Variants in HSD17B4 observed in about 807,000 individuals in gnomAD.
The protein encoded by HSD17B4 is hydroxysteroid 17-beta dehydrogenase 4, also known as peroxisomal multifunctional enzyme type 2.
Under a neutral mutation model 101.0 loss-of-function variants are expected in HSD17B4, and 70 were observed. The ratio of observed to expected loss-of-function variants is 0.69; its 90% CI spans 0.57 to 0.85. The LOEUF (loss-of-function observed/expected upper bound fraction) is 0.85. Ranked by LOEUF, HSD17B4 falls within the 40% of genes least tolerant of loss-of-function variation. The pLI, the probability that HSD17B4 is intolerant of heterozygous loss-of-function variation, is 0.00. For missense variants in HSD17B4, 984 were observed against 892.4 expected (o/e 1.10, Z -1.31); for synonymous variants, 347 against 297.1 (o/e 1.17, Z -1.73).
intron 8 of HSD17B4, among the ~76,000 whole-genome samples, chr5:119,480,948 CAG>C (rs1252556046): frequency 6.6e-6 from 1 of 152,156 alleles, no homozygotes; most frequent in African/African-American, 2.4e-5. Flanking sequence ...CACCAGCGGT[CAG>C]AGTTTAAGGT....
chr5:119,541,606 T>C (rs1754997691), intron 23 of HSD17B4, among the ~76,000 whole-genome samples: 1 of 152,160 alleles, frequency 6.6e-6, no homozygotes, highest in Non-Finnish European at 1.5e-5. Context: ...GGTCTCAAAT[T>C]GTAAGAACAT....
intron 6 of HSD17B4, chr5:119,476,499 G>A: frequency 2.2e-6 from 2 of 899,432 alleles, no homozygotes; most frequent in Non-Finnish European, 2.7e-6. Context: ...TGGCAACTGA[G>A]GTGAAACAAT....
At chr5:119,527,754 A>G (rs1215286724) in intron 20 of HSD17B4, among the ~76,000 whole-genome samples, 2 of 152,166 alleles carry the variant, frequency 1.3e-5, no homozygotes, top group Non-Finnish European at 2.9e-5. Flanking sequence ...TTAATATCCT[A>G]TAGAACAATA....
chr5:119,460,999 A>C (rs1755173060), intron 2 of HSD17B4, among the ~76,000 whole-genome samples: 2 of 152,178 alleles, frequency 1.3e-5, no homozygotes, highest in Admixed American at 1.3e-4. Context: ...ATAGCGAGCA[A>C]GGTCATAAGG....
chr5:119,485,587 A>G (rs1342088481), intron 8 of HSD17B4, among the ~76,000 whole-genome samples: 1 of 151,972 alleles, frequency 6.6e-6, no homozygotes, highest in Non-Finnish European at 1.5e-5. Context: ...ATTTATTTTG[A>G]TCTGAAGCTT....
chr5:119,507,198 T>G (rs1394704600), intron 15 of HSD17B4, among the ~76,000 whole-genome samples: 1 of 152,224 alleles, frequency 6.6e-6, no homozygotes, highest in Non-Finnish European at 1.5e-5. Flanking sequence ...GAGTATGTTT[T>G]TGGCAGGAAG....
chr5:119,464,497 T>C (rs913314699), intron 2 of HSD17B4: 1 of 152,238 alleles, frequency 6.6e-6, no homozygotes, highest in Admixed American at 6.5e-5. Flanking sequence ...CAACTGGTTT[T>C]AAATGCATGG....
intron 13 of HSD17B4, among the ~76,000 whole-genome samples, chr5:119,500,323 G>A (rs1751043478): frequency 6.6e-6 from 1 of 151,060 alleles, no homozygotes; most frequent in African/African-American, 2.4e-5. Flanking sequence ...GAGAGAGATG[G>A]GTGCATATAT....
intron 15 of HSD17B4, 145 bp downstream of exon 15, chr5:119,507,034 T>G: frequency 1.9e-6 from 1 of 537,570 alleles, no homozygotes; most frequent in Non-Finnish European, 3.4e-6. Flanking sequence ...TTAAACTCTT[T>G]AAGAAAAATA....
chr5:119,532,410 T>C (rs533912271), intron 22 of HSD17B4, among the ~76,000 whole-genome samples: 1 of 152,124 alleles, frequency 6.6e-6, no homozygotes, highest in Non-Finnish European at 1.5e-5. Context: ...ATTCTGTATA[T>C]GTTGGAATGA....
At chr5:119,477,942 A>C in intron 7 of HSD17B4, 1 of 181,468 alleles carries the variant, frequency 5.5e-6, no homozygotes, top group East Asian at 1.4e-4. Context: ...TGGTAGAGAC[A>C]GTATCTCGTT....
chr5:119,456,276 A>G (rs1754643875), intron 1 of HSD17B4, 39 bp from the exon 2 acceptor site: 1 of 1,473,760 alleles, frequency 6.8e-7, no homozygotes, highest in Non-Finnish European at 9.5e-7. Flanking sequence ...AATTATGCTG[A>G]CATTTCTTCA....
At chr5:119,539,578 T>TATA (rs1229103179) in intron 23 of HSD17B4, among the ~76,000 whole-genome samples, 3 of 150,864 alleles carry the variant, frequency 2.0e-5, no homozygotes, top group Admixed American at 6.6e-5. Context: ...GAACTTAAAG[T>TATA]ATAATAATAA....
At chr5:119,499,663 A>AC in intron 13 of HSD17B4, 110 bp downstream of exon 13, 1 of 548,878 alleles carries the variant, frequency 1.8e-6, no homozygotes, top group Non-Finnish European at 3.1e-6. Flanking sequence ...ATATTTATAT[A>AC]ATTATTTATA....
chr5:119,472,489 A>G (rs1400068296), intron 2 of HSD17B4: 3 of 151,684 alleles, frequency 2.0e-5, no homozygotes, highest in East Asian at 3.9e-4. Context: ...GCTGGAGTGC[A>G]GTGGCACGAT....
chr5:119,521,917 TG>T (rs898644896), intron 17 of HSD17B4, among the ~76,000 whole-genome samples: 2 of 151,326 alleles, frequency 1.3e-5, no homozygotes, highest in African/African-American at 4.8e-5. Context: ...TTTTCAGTTT[TG>T]GTTTTTTTTT....
chr5:119,484,201 C>T (rs1038216350), intron 8 of HSD17B4, among the ~76,000 whole-genome samples: 2 of 152,102 alleles, frequency 1.3e-5, no homozygotes, highest in African/African-American at 4.8e-5. Context: ...GACTGAGACC[C>T]TCCCTTAAAA....
At chr5:119,492,438 C>T (rs1266585650) in intron 10 of HSD17B4, 3 of 299,542 alleles carry the variant, frequency 1.0e-5, no homozygotes, top group Middle Eastern at 1.0e-3. Context: ...TCTTTGACTT[C>T]CCACATGCTC....
chr5:119,493,922 G>T lies in HSD17B4; in HGVS notation c.844G>T (p.Ala282Ser). The change falls in exon 11 of 24, where the codon GCC (alanine) becomes TCC (serine). Residue 282 changes from alanine to serine, a missense_variant. Transcript: ENST00000510025. ...NWKKICDFEN[A>S]SKPQSIQEST... ...GAAGAAGATCTGTGACTTTGAGAATGCCAGCAAGCCTCAGAGTATCCAAGG... is the reference window on the plus strand; with the variant it reads ...GAAGAAGATCTGTGACTTTGAGAATTCCAGCAAGCCTCAGAGTATCCAAGG... The T allele has an allele frequency of 6.2e-7, 1 of 1,613,276 alleles. No homozygotes were observed. Among genetic ancestry groups the T allele is most frequent in the South Asian group, 1.1e-5 (1 of 91,084 alleles).
Sources: allele counts gnomAD v4.1 joint callset (sites outside exome capture counted in the v4.1 genomes callset), GRCh38; gene constraint gnomAD v4.1.1; transcripts MANE v1.5; gene names NCBI Gene and HGNC (gene_info 2026-07-23, HGNC 2026-07-21).